Variants in RAP1GAP2 observed in about 807,000 individuals in gnomAD.
RAP1GAP2 encodes the protein rap1 GTPase-activating protein 2.
A neutral mutation model predicts 95.0 loss-of-function variants in RAP1GAP2; 27 were observed. The ratio of observed to expected loss-of-function variants is 0.28; its 90% CI spans 0.21 to 0.39. The LOEUF is 0.39. Ranked by LOEUF, RAP1GAP2 falls within the 10% of genes least tolerant of loss-of-function variation. The pLI is 1.00. For synonymous variants in RAP1GAP2, 373 were observed against 380.9 expected (o/e 0.98, Z 0.24); for missense variants, 771 against 970.0 (o/e 0.79, Z 2.72).
chr17:3,029,769 C>T lies in RAP1GAP2; in HGVS notation c.2108-1153C>T, dbSNP rs148785837. ...TGGCCCTCCTGCCAGCGGGGCACAG[C>T]GGGAAATGTTGACACCGGGCTCTGC... is the stretch of plus-strand genomic sequence containing the variant. On this transcript the variant is annotated intron_variant, in intron 22 of 24. Transcript: ENST00000254695. This position sits in a 1 kb window ranked among gnomAD's most constrained non-coding sequence, Gnocchi z 4.4. Among the ~76,000 whole-genome samples, 15 of 152,168 alleles carry T rather than the reference C, an allele frequency of 9.9e-5. No homozygotes were observed. In the East Asian group the frequency reaches 2.9e-3, roughly 29 times the overall value.
At chr17:2,942,080 G>T (rs2043520818) in intron 3 of RAP1GAP2, among the ~76,000 whole-genome samples, 1 of 152,104 alleles carries the variant, frequency 6.6e-6, no homozygotes, top group South Asian at 2.1e-4. Context: ...GAAGTTTGAG[G>T]TGCCTGTCAG....
At chr17:2,927,413 A>G (rs1253831379) in intron 3 of RAP1GAP2, among the ~76,000 whole-genome samples, 7 of 151,774 alleles carry the variant, frequency 4.6e-5, no homozygotes, top group African/African-American at 1.2e-4. Flanking sequence ...TTGGCCTCCC[A>G]AAGTGCTGGG....
chr17:2,773,653 C>G (rs552927316), upstream of RAP1GAP2, among the ~76,000 whole-genome samples: 279 of 152,018 alleles, frequency 1.8e-3, 1 homozygote, highest in Middle Eastern at 3.4e-3. Flanking sequence ...AAGCTGAATT[C>G]CAGGTCCAAG....
intron 2 of RAP1GAP2, among the ~76,000 whole-genome samples, chr17:2,859,292 G>T (rs983824032): frequency 6.6e-6 from 1 of 151,810 alleles, no homozygotes; most frequent in Non-Finnish European, 1.5e-5. Flanking sequence ...TGTATTTTTA[G>T]TAGAGATGGG....
intron 1 of RAP1GAP2, among the ~76,000 whole-genome samples, chr17:2,789,765 G>A (rs1383771197): frequency 7.7e-6 from 1 of 130,484 alleles, no homozygotes; most frequent in Admixed American, 8.6e-5. Flanking sequence ...TTGGGCGACA[G>A]AGTGAGACTC....
At chr17:2,945,915 G>A (rs772377881) in intron 3 of RAP1GAP2, among the ~76,000 whole-genome samples, 1 of 151,742 alleles carries the variant, frequency 6.6e-6, no homozygotes, top group African/African-American at 2.4e-5. Context: ...TCACCCTCCC[G>A]AGTAGCTGGG....
rs563080227 is a variant in RAP1GAP2 at position 2,985,797 on chromosome 17, T to C, written c.813+731T>C. The stretch of plus-strand genomic sequence containing the variant: ...ACTTGTGTGGGAACCTTTTAAAGGC[T>C]TAAAGAACCCCCAAGGTAAAGGGCT... On this transcript the variant is annotated intron_variant, in intron 11 of 24. Coordinates refer to ENST00000254695, the MANE Select transcript of RAP1GAP2 (RefSeq NM_015085.5). Among the ~76,000 whole-genome samples the C allele has an allele frequency of 5.3e-5, 8 of 152,314 alleles. No individual in the cohort carries two copies. The East Asian group carries it at 1.5e-3, about 29-fold the overall frequency.
At position 2,810,020 on chromosome 17, in the gene RAP1GAP2, T is replaced by TC. The variant is rs869063265; in HGVS notation, c.80+9474dup. On this transcript the variant is annotated intron_variant, in intron 2 of 24. Coordinates refer to ENST00000254695, the MANE Select transcript of RAP1GAP2 (RefSeq NM_015085.5). Reference sequence around the variant, plus strand: ...GCCCCTCTGGCTTGTGCTGGGACCCTCCCCTCCCCCCGCCCCACCCCAGGA... The same window carrying TC: ...GCCCCTCTGGCTTGTGCTGGGACCCTCCCCCTCCCCCCGCCCCACCCCAGGA... Among the ~76,000 whole-genome samples the TC allele has an allele frequency of 9.6e-3, 460 of 48,154 alleles. 17 individuals carry two copies. The highest frequency in any genetic ancestry group is 0.032 in the African/African-American group (307 of 9,682). 31.6% of individuals were successfully genotyped at this position (48,154 alleles called of 152,430 possible).
rs551752284 is a variant in RAP1GAP2, at chr17:2,941,221, G to A, written c.166-16538G>A. ...GTCTGAGACCAGCCTGGCCAACGTG[G>A]TGAAACCCCGTCTCTACTAAAAACA... On this transcript the variant is annotated intron_variant, in intron 3 of 24. Coordinates refer to ENST00000254695, the MANE Select transcript of RAP1GAP2 (RefSeq NM_015085.5). Among the ~76,000 whole-genome samples, 3 of 152,244 alleles carry A rather than the reference G, an allele frequency of 2.0e-5. No individual in the cohort carries two copies. In the East Asian group the frequency reaches 5.8e-4, roughly 30 times the overall value.
chr17:2,853,264 G>C, intron 2 of RAP1GAP2, among the ~76,000 whole-genome samples: 1 of 151,642 alleles, frequency 6.6e-6, no homozygotes, highest in East Asian at 2.0e-4. Context: ...GGCGGGCGCC[G>C]GGCTCAGGTG....
At chr17:2,874,440 G>A (rs996858219) in intron 2 of RAP1GAP2, among the ~76,000 whole-genome samples, 3 of 152,154 alleles carry the variant, frequency 2.0e-5, no homozygotes, top group South Asian at 2.1e-4. Flanking sequence ...CCGGGCTGAC[G>A]GAGGCATTGG....
intron 2 of RAP1GAP2, among the ~76,000 whole-genome samples, chr17:2,849,996 C>T: frequency 1.6e-5 from 2 of 124,148 alleles, no homozygotes; most frequent in African/African-American, 6.0e-5. Flanking sequence ...CTAACACTGC[C>T]TGCTTTTTTT....
chr17:3,020,538 G>A lies in RAP1GAP2; in HGVS notation c.1694G>A (p.Gly565Glu). The change falls in exon 19 of 25, where the codon GGG becomes GAG. Residue 565 changes from glycine to glutamate, a missense_variant. Transcript: ENST00000254695. ...QSRSPIKRRS[G>E]LFPRLHTGSE... The stretch of plus-strand genomic sequence containing the variant: ...CGGAGTCCCATCAAGCGACGCTCGG[G>A]GCTCTTCCCCCGCCTGCACACGGGC... The A allele has an allele frequency of 3.7e-6, 6 of 1,613,868 alleles. No individual in the cohort carries two copies. Among genetic ancestry groups the A allele is most frequent in the Non-Finnish European group, 5.1e-6 (6 of 1,179,876 alleles).
In RAP1GAP2 at chr17:2,843,171, G is replaced by A. The variant is rs114569696; in HGVS notation, c.80+42621G>A. ...TAATACATGAAGAAAACAAGCCAGC[G>A]GCTAGGTGCAGAATCACTAAGGGTG... On this transcript the variant is annotated intron_variant, in intron 2 of 24. Transcript: ENST00000254695. Among the ~76,000 whole-genome samples, 655 of 152,206 alleles carry A rather than the reference G, an allele frequency of 4.3e-3. 3 individuals carry two copies. The highest frequency in any genetic ancestry group is 0.015 in the African/African-American group (623 of 41,524).
At chr17:3,013,627 C>CTGTTTTTTTTTTTTTTTTTTT (rs2046643834) in intron 17 of RAP1GAP2, among the ~76,000 whole-genome samples, 1 of 78,930 alleles carries the variant, frequency 1.3e-5, no homozygotes, top group African/African-American at 5.3e-5. Context: ...CTTTTCTTTT[C>CTGTTTTTTTTTTTTTTTTTTT]TTTTCTTTTT....
In RAP1GAP2 at chr17:2,974,208, G is replaced by T. The variant is rs1331772283; in HGVS notation, c.597-6079G>T. 4.1e-5 allele frequency among the ~76,000 whole-genome samples: 6 copies of T among 145,542 alleles called. No homozygotes were observed. In the East Asian group the frequency reaches 1.3e-3, roughly 30 times the overall value. ...TACAAAAAAAAAAAAAATTAGCTGG[G>T]CGCAGTGGCAGGCGCCTGTAGTCCC... is the stretch of plus-strand genomic sequence containing the variant. On this transcript the variant is annotated intron_variant, in intron 8 of 24. Transcript: ENST00000254695.
chr17:2,785,996 G>A (rs201685629), intron 1 of RAP1GAP2, among the ~76,000 whole-genome samples: 1 of 150,512 alleles, frequency 6.6e-6, no homozygotes, highest in African/African-American at 2.4e-5. Flanking sequence ...CCACCTCCCG[G>A]GTTCAAGCGA....
At chr17:2,936,763 T>C (rs1472118607) in intron 3 of RAP1GAP2, among the ~76,000 whole-genome samples, 1 of 152,140 alleles carries the variant, frequency 6.6e-6, no homozygotes, top group African/African-American at 2.4e-5. Context: ...AGGGAATAAC[T>C]CTCTGGAAGT....
chr17:2,841,790 G>A (rs1223655730), intron 2 of RAP1GAP2, among the ~76,000 whole-genome samples: 2 of 152,188 alleles, frequency 1.3e-5, no homozygotes, highest in Non-Finnish European at 2.9e-5. Flanking sequence ...TAGCCTCTGA[G>A]AAGTCTCAGA....
Sources: allele counts gnomAD v4.1 joint callset (sites outside exome capture counted in the v4.1 genomes callset), GRCh38; gene constraint gnomAD v4.1.1; non-coding constraint Gnocchi (gnomAD v3.1); transcripts MANE v1.5; gene names NCBI Gene and HGNC (gene_info 2026-07-23, HGNC 2026-07-21).